Variants in BRIP1 observed in about 807,000 individuals in gnomAD.
BRIP1 encodes Fanconi anemia group J protein.
In BRIP1, 88 loss-of-function variants were observed where a neutral mutation model predicts 119.7. The observed-to-expected ratio is 0.74, with a 90% CI of 0.62 to 0.88. The LOEUF (loss-of-function observed/expected upper bound fraction) is 0.88. Ranked by LOEUF, BRIP1 falls within the 40% of genes least tolerant of loss-of-function variation. BRIP1 has a pLI of 0.00. For missense variants in BRIP1, 1,259 were observed against 1,455.4 expected (o/e 0.87, Z 2.20); for synonymous variants, 443 against 496.5 (o/e 0.89, Z 1.43).
In BRIP1 at chr17:61,828,669, G is replaced by C. The variant is rs2078444505; in HGVS notation, c.627+18432C>G. On this transcript the variant is annotated intron_variant, in intron 6 of 19. Transcript: ENST00000259008. The surrounding 1 kb of genome is among the most constrained non-coding windows in gnomAD (Gnocchi z 4.1). ...AAAAGTTACACAATACAGAAACTTG[G>C]ACCTACAAAATGAAGGGCACCAGAA... Among the ~76,000 whole-genome samples the C allele has an allele frequency of 6.6e-6, 1 of 152,060 alleles. No homozygotes were observed. Among genetic ancestry groups the C allele is most frequent in the South Asian group, 2.1e-4 (1 of 4,812 alleles).
chr17:61,817,853 G>A (rs2078260245), intron 6 of BRIP1, among the ~76,000 whole-genome samples: 1 of 152,162 alleles, frequency 6.6e-6, no homozygotes, highest in Non-Finnish European at 1.5e-5. Context: ...TAAAAATTGT[G>A]TGCTCATAGG....
At chr17:61,813,325 C>T (rs2078191518) in intron 6 of BRIP1, among the ~76,000 whole-genome samples, 1 of 151,924 alleles carries the variant, frequency 6.6e-6, no homozygotes, top group African/African-American at 2.4e-5. Flanking sequence ...GTCTTTCCAA[C>T]CACACTGCAA....
Position 61,796,259 on chromosome 17 carries a change from T to A in BRIP1, c.1341-2530A>T. ...GCTGTGCAGCAGCTTTTTAACTTGA[T>A]GTGATCCCATCTGTCCATTTTTGCT... On this transcript the variant is annotated intron_variant, in intron 9 of 19. Transcript: ENST00000259008. The surrounding 1 kb of genome is among the most constrained non-coding windows in gnomAD (Gnocchi z 4.8). 6.6e-6 allele frequency among the ~76,000 whole-genome samples: 1 copy of A among 152,124 alleles called. No individual in the cohort carries two copies. The highest frequency in any genetic ancestry group is 1.5e-5 in the Non-Finnish European group (1 of 67,996).
rs1460346075 is a variant in BRIP1, at chr17:61,720,890, C to T, written c.2380-4827G>A. 6.6e-6 allele frequency among the ~76,000 whole-genome samples: 1 copy of T among 152,128 alleles called. No individual in the cohort carries two copies. Among genetic ancestry groups the T allele is most frequent in the Non-Finnish European group, 1.5e-5 (1 of 68,020 alleles). ...ACAGAGTCTCGCTCCATTGCCCAGG[C>T]TGGAGTGCAGTGACATGATCTTGGC... On this transcript the variant is annotated intron_variant, in intron 16 of 19. Transcript: ENST00000259008. This position sits in a 1 kb window ranked among gnomAD's most constrained non-coding sequence, Gnocchi z 4.3.
chr17:61,692,140 G>GAGGTCCTC (rs1321405686), intron 18 of BRIP1, among the ~76,000 whole-genome samples: 3 of 152,222 alleles, frequency 2.0e-5, no homozygotes, highest in Non-Finnish European at 2.9e-5. Context: ...TAGACTTTCT[G>GAGGTCCTC]AGGTCCTCAT....
At chr17:61,747,934 C>T (rs1416189422) in intron 14 of BRIP1, among the ~76,000 whole-genome samples, 1 of 149,004 alleles carries the variant, frequency 6.7e-6, no homozygotes, top group African/African-American at 2.5e-5. Flanking sequence ...TATGGAGTCT[C>T]ACTATATTGC....
rs952719978 is a variant in BRIP1, at chr17:61,824,179, C to A, written c.628-15422G>T. On this transcript the variant is annotated intron_variant, in intron 6 of 19. Coordinates refer to ENST00000259008, the MANE Select transcript of BRIP1 (RefSeq NM_032043.3). This position sits in a 1 kb window ranked among gnomAD's most constrained non-coding sequence, Gnocchi z 4.3. ...GAAACTATGTAAGACAAGCCAAGGG[C>A]AGAATATCTTTTAAGTGCTGAAAGA... 6.6e-6 allele frequency among the ~76,000 whole-genome samples: 1 copy of A among 152,128 alleles called. No homozygotes were observed. Among genetic ancestry groups the A allele is most frequent in the East Asian group, 1.9e-4 (1 of 5,192 alleles).
chr17:61,744,741 G>T lies in BRIP1; in HGVS notation c.2098-150C>A. ...AATGAGGAAAACAATATATCTCATA[G>T]AGCTGTTATGGGGTTAAATTTATTA... On this transcript the variant is annotated intron_variant, in intron 14 of 19. Transcript: ENST00000259008. The surrounding 1 kb of genome is among the most constrained non-coding windows in gnomAD (Gnocchi z 5.0). 1 of 737,066 alleles carries T rather than the reference G, an allele frequency of 1.4e-6. No individual in the cohort carries two copies. The highest frequency in any genetic ancestry group is 2.3e-6 in the Non-Finnish European group (1 of 440,066). The allele number at this position is 737,066 out of a possible 1,614,324, so 45.7% of individuals were successfully genotyped here. A position where few individuals can be genotyped will look rare whatever the true frequency, so the allele number is the denominator to read the frequency against.
intron 16 of BRIP1, among the ~76,000 whole-genome samples, chr17:61,737,882 G>A (rs1262403047): frequency 2.0e-5 from 3 of 152,196 alleles, no homozygotes; most frequent in Non-Finnish European, 2.9e-5. Flanking sequence ...GCCATGTGCG[G>A]TAGAAATTAT....
rs2078831793 is a variant in BRIP1, at chr17:61,852,212, A to G, written c.380-2956T>C. ...AATTCATAAAAATAAAAATCATATT[A>G]TCATCACATACAAAAAGGCTTATCT... is the stretch of plus-strand genomic sequence containing the variant. On this transcript the variant is annotated intron_variant, in intron 4 of 19. Transcript: ENST00000259008. The surrounding 1 kb of genome is among the most constrained non-coding windows in gnomAD (Gnocchi z 4.9). Among the ~76,000 whole-genome samples the G allele has an allele frequency of 6.6e-6, 1 of 152,246 alleles. No individual in the cohort carries two copies. Among genetic ancestry groups the G allele is most frequent in the Non-Finnish European group, 1.5e-5 (1 of 68,046 alleles).
Position 61,834,172 on chromosome 17 carries a change from C to T in BRIP1, c.627+12929G>A, listed in dbSNP as rs1414446968. On this transcript the variant is annotated intron_variant, in intron 6 of 19. Transcript: ENST00000259008. This position sits in a 1 kb window ranked among gnomAD's most constrained non-coding sequence, Gnocchi z 4.4. ...ATCAAAATAGACCTGCTAAATTTTA[C>T]TATGACCGTGATATATTAGGTGAAA... is the stretch of plus-strand genomic sequence containing the variant. Among the ~76,000 whole-genome samples, 1 of 152,126 alleles carries T rather than the reference C, an allele frequency of 6.6e-6. No individual in the cohort carries two copies. The highest frequency in any genetic ancestry group is 1.5e-5 in the Non-Finnish European group (1 of 68,028).
Position 61,844,734 on chromosome 17 carries a change from T to G in BRIP1, c.627+2367A>C, listed in dbSNP as rs1010600052. 6.6e-6 allele frequency among the ~76,000 whole-genome samples: 1 copy of G among 152,260 alleles called. No homozygotes were observed. On this transcript the variant is annotated intron_variant, in intron 6 of 19. Transcript: ENST00000259008. The surrounding 1 kb of genome is among the most constrained non-coding windows in gnomAD (Gnocchi z 4.7). ...AACCCTATTTAGGTGGCTCCAGGAC[T>G]GCAAAGAGGCATTTTAGAGAGAATA...
chr17:61,730,716 A>T lies in BRIP1; in HGVS notation c.2379+12297T>A, dbSNP rs927702781. Among the ~76,000 whole-genome samples the T allele has an allele frequency of 1.3e-4, 20 of 152,110 alleles. No individual in the cohort carries two copies. Among genetic ancestry groups the T allele is most frequent in the South Asian group, 4.1e-4 (2 of 4,830 alleles). ...CATGGCTTTATGTATTTATTTATTTATTTTTTGCTAAGGAAATACAATGAC... is the reference window on the plus strand; with the variant it reads ...CATGGCTTTATGTATTTATTTATTTTTTTTTTGCTAAGGAAATACAATGAC... On this transcript the variant is annotated intron_variant, in intron 16 of 19. Transcript: ENST00000259008. The surrounding 1 kb of genome is among the most constrained non-coding windows in gnomAD (Gnocchi z 4.3).
chr17:61,775,620 T>TA lies in BRIP1; in HGVS notation c.2097+780dup, dbSNP rs1195765813. ...ATATACTAAATAATTTCAAATTAAC[T>TA]AAAAAAAATTATTAAAAATCAGTGA... On this transcript the variant is annotated intron_variant, in intron 14 of 19. Transcript: ENST00000259008. The surrounding 1 kb of genome is among the most constrained non-coding windows in gnomAD (Gnocchi z 4.4). Among the ~76,000 whole-genome samples, 2 of 151,842 alleles carry TA rather than the reference T, an allele frequency of 1.3e-5. No homozygotes were observed. The highest frequency in any genetic ancestry group is 4.2e-4 in the South Asian group (2 of 4,818).
intron 6 of BRIP1, among the ~76,000 whole-genome samples, chr17:61,840,816 A>G (rs757775578): frequency 2.0e-5 from 3 of 152,196 alleles, no homozygotes; most frequent in Non-Finnish European, 2.9e-5. Context: ...GCACCACGCT[A>G]TGTACTACAC....
Position 61,776,214 on chromosome 17 carries a change from T to C in BRIP1, c.2097+187A>G, listed in dbSNP as rs1330053589. On this transcript the variant is annotated intron_variant, in intron 14 of 19. Coordinates refer to ENST00000259008, the MANE Select transcript of BRIP1 (RefSeq NM_032043.3). This position sits in a 1 kb window ranked among gnomAD's most constrained non-coding sequence, Gnocchi z 5.0. ...TTCAGACTTTTAAGTAAAACAGAGGTAGGACAATCAGGCAGTATCTTAATC... is the reference window on the plus strand; with the variant it reads ...TTCAGACTTTTAAGTAAAACAGAGGCAGGACAATCAGGCAGTATCTTAATC... 9.3e-6 allele frequency: 6 copies of C among 647,744 alleles called. No individual in the cohort carries two copies. The highest frequency in any genetic ancestry group is 2.0e-5 in the South Asian group (1 of 50,314). 40.1% of individuals were successfully genotyped at this position (647,744 alleles called of 1,614,324 possible). A position where few individuals can be genotyped will look rare whatever the true frequency, so the allele number is the denominator to read the frequency against.
In BRIP1 at chr17:61,734,287, AAC is replaced by A. The variant is rs950211277; in HGVS notation, c.2379+8724_2379+8725del. On this transcript the variant is annotated intron_variant, in intron 16 of 19. Transcript: ENST00000259008. The surrounding 1 kb of genome is among the most constrained non-coding windows in gnomAD (Gnocchi z 5.2). ...TGTGATTTAATTACATGAAAAAGAAAACAACTTTTATTTTAGTTATACTTTTC... is the reference window on the plus strand; with the variant it reads ...TGTGATTTAATTACATGAAAAAGAAAAACTTTTATTTTAGTTATACTTTTC... Among the ~76,000 whole-genome samples the A allele has an allele frequency of 5.3e-4, 80 of 152,314 alleles. No homozygotes were observed. Among genetic ancestry groups the A allele is most frequent in the African/African-American group, 1.9e-3 (78 of 41,574 alleles).
chr17:61,846,242 GAAAA>G lies in BRIP1; in HGVS notation c.627+855_627+858del, dbSNP rs1043153943. 8.1e-6 allele frequency among the ~76,000 whole-genome samples: 1 copy of G among 123,550 alleles called. No homozygotes were observed. The highest frequency in any genetic ancestry group is 6.1e-5 in the African/African-American group (1 of 16,368). The allele number at this position is 123,550 out of a possible 152,430, so 81.1% of individuals were successfully genotyped here. ...ATATACATATAGAGAGAGAGAGAGA[GAAAA>G]AGAGAGAGAGAGAGAAAGAGAGAGA... On this transcript the variant is annotated intron_variant, in intron 6 of 19. Transcript: ENST00000259008. The surrounding 1 kb of genome is among the most constrained non-coding windows in gnomAD (Gnocchi z 4.3).
intron 8 of BRIP1, among the ~76,000 whole-genome samples, chr17:61,800,943 C>G (rs1430012268): frequency 1.3e-5 from 2 of 152,180 alleles, no homozygotes; most frequent in Non-Finnish European, 2.9e-5. Flanking sequence ...ATAAGTTCTT[C>G]AAAACATAGT....
Sources: gnomAD v4.1 joint callset for allele counts (sites outside exome capture counted in the v4.1 genomes callset) on GRCh38, gnomAD v4.1.1 for gene constraint, Gnocchi (gnomAD v3.1) non-coding constraint, MANE v1.5 for transcripts, NCBI Gene and HGNC (gene_info 2026-07-23, HGNC 2026-07-21) for gene names.